Variants in MCFD2 observed in about 807,000 individuals in gnomAD.
MCFD2 encodes multiple coagulation factor deficiency protein 2.
A neutral mutation model predicts 12.8 loss-of-function variants in MCFD2; 11 were observed. That is an observed-to-expected ratio of 0.86 (90% CI 0.54 to 1.42). The LOEUF is 1.42. Ranked by LOEUF, MCFD2 falls within the 40% of genes most tolerant of loss-of-function variation. The probability of loss-of-function intolerance (pLI) is 0.00; values close to 1 mark genes in which losing one functional copy is unlikely to be tolerated. For missense variants in MCFD2, 191 were observed against 178.6 expected (o/e 1.07, Z -0.40); for synonymous variants, 70 against 68.1 (o/e 1.03, Z -0.14).
rs1271340445 is a variant in MCFD2 at position 46,941,608 on chromosome 2, G to A, written c.-44C>T. The A allele has an allele frequency of 4.5e-6, 7 of 1,556,540 alleles. No homozygotes were observed. Among genetic ancestry groups the A allele is most frequent in the South Asian group, 1.2e-5 (1 of 84,410 alleles). ...GAGCGAGCTGGAGCGCTGCCGCGCC[G>A]AGGGCCACTGGGACCGCATGCCGGA... is the stretch of plus-strand genomic sequence containing the variant. On this transcript the variant is annotated 5_prime_UTR_variant, in exon 1 of 3. Coordinates refer to the MCFD2 transcript ENST00000409147. This position sits in a 1 kb window ranked among gnomAD's most constrained non-coding sequence, Gnocchi z 4.2.
rs1405408574 is a variant in MCFD2, at chr2:46,908,836, G to A, written c.149+187C>T. 9.2e-6 allele frequency: 7 copies of A among 757,292 alleles called. No homozygotes were observed. The highest frequency in any genetic ancestry group is 1.5e-5 in the Non-Finnish European group (7 of 461,450). The allele number at this position is 757,292 out of a possible 1,614,324, so 46.9% of individuals were successfully genotyped here. Reference sequence around the variant, plus strand: ...ATTTGGGCCTAAAGATCTTCCACCTGTGATACAATGATGAAAAAAGAATAC... The same window carrying A: ...ATTTGGGCCTAAAGATCTTCCACCTATGATACAATGATGAAAAAAGAATAC... On this transcript the variant is annotated intron_variant, in intron 2 of 3. Transcript: ENST00000319466. The surrounding 1 kb of genome is among the most constrained non-coding windows in gnomAD (Gnocchi z 4.5).
rs1048979360 is a variant in MCFD2, at chr2:46,940,852, G to C, written c.-8+720C>G. ...TCGCCGTCGGGGTTGGGGCCTGTCG[G>C]CCGGCCTCTCCCCATTTTTGTGACG... On this transcript the variant is annotated intron_variant, in intron 1 of 2. Transcript: ENST00000409147. This position sits in a 1 kb window ranked among gnomAD's most constrained non-coding sequence, Gnocchi z 4.7. Among the ~76,000 whole-genome samples, 22 of 152,110 alleles carry C rather than the reference G, an allele frequency of 1.4e-4. No individual in the cohort carries two copies. The highest frequency in any genetic ancestry group is 5.3e-4 in the African/African-American group (22 of 41,444).
At chr2:46,920,130 G>C (rs1168181386), upstream of MCFD2, among the ~76,000 whole-genome samples, 2 of 152,128 alleles carry the variant, frequency 1.3e-5, no homozygotes, top group Non-Finnish European at 2.9e-5. Context: ...CTAATGAAAA[G>C]TCTGACTGTT....
chr2:46,916,755 C>T (rs1054792685), upstream of MCFD2, among the ~76,000 whole-genome samples: 26 of 152,224 alleles, frequency 1.7e-4, no homozygotes, highest in Non-Finnish European at 3.1e-4. Context: ...CTACCTCAGC[C>T]TCCCGAGTAG....
intron 1 of MCFD2, among the ~76,000 whole-genome samples, chr2:46,911,704 G>A (rs1046473848): frequency 4.7e-5 from 7 of 150,318 alleles, no homozygotes; most frequent in Non-Finnish European, 8.9e-5. Context: ...GGCAGATCAC[G>A]AGGTCAGGAG....
intron 1 of MCFD2, among the ~76,000 whole-genome samples, chr2:46,935,509 G>C (rs1225356783): frequency 6.6e-6 from 1 of 152,164 alleles, no homozygotes; most frequent in Non-Finnish European, 1.5e-5. Flanking sequence ...TGTCAGGGTA[G>C]TGTTCTCCCT....
chr2:46,915,713 G>C lies in MCFD2; in HGVS notation c.-7+10C>G. On this transcript the variant is annotated intron_variant, in intron 1 of 3. Transcript: ENST00000319466. ...CCCGCCCGCTGCGGAGAGTGCGCTA[G>C]TTCACTCACCCTTACGGTCTCCGAA... The C allele has an allele frequency of 1.0e-6, 1 of 959,352 alleles. No homozygotes were observed. Among genetic ancestry groups the C allele is most frequent in the Non-Finnish European group, 1.2e-6 (1 of 806,596 alleles). 59.4% of individuals were successfully genotyped at this position (959,352 alleles called of 1,614,324 possible). A position where few individuals can be genotyped will look rare whatever the true frequency, so the allele number is the denominator to read the frequency against.
chr2:46,906,955 C>T (rs1313992893), intron 3 of MCFD2: 1 of 152,310 alleles, frequency 6.6e-6, no homozygotes, highest in Non-Finnish European at 1.5e-5. Context: ...CCTCCTACTT[C>T]AGCATCATGA....
rs762727755 is a variant in MCFD2, at chr2:46,905,455, A to G, written c.*8T>C. ...TTTGTATATAACCAGGAGATGGCCA[A>G]ATAACATCTACTGCAGTGATTTTGC... On this transcript the variant is annotated 3_prime_UTR_variant, in exon 4 of 4. Transcript: ENST00000319466. 2 of 1,612,230 alleles carry G rather than the reference A, an allele frequency of 1.2e-6. No homozygotes were observed. The highest frequency in any genetic ancestry group is 4.3e-4 in the Middle Eastern group (2 of 4,598).
At chr2:46,927,562 G>A (rs375175331) in intron 1 of MCFD2, among the ~76,000 whole-genome samples, 13 of 151,788 alleles carry the variant, frequency 8.6e-5, no homozygotes, top group South Asian at 2.1e-4. Flanking sequence ...GGGTTTCACC[G>A]TGTTAGCCAG....
At chr2:46,911,812 G>T (rs998665231) in intron 1 of MCFD2, among the ~76,000 whole-genome samples, 9 of 152,068 alleles carry the variant, frequency 5.9e-5, no homozygotes, top group Admixed American at 5.9e-4. Flanking sequence ...TGTAGTCCCA[G>T]CTACTTGGGA....
In MCFD2 at chr2:46,941,481, G is replaced by A. The variant is rs1016880663; in HGVS notation, c.-8+91C>T. On this transcript the variant is annotated intron_variant, in intron 1 of 2. Transcript: ENST00000409147. This position sits in a 1 kb window ranked among gnomAD's most constrained non-coding sequence, Gnocchi z 4.2. ...CCCGCGAGTGCGCCCCAGCCAGGAC[G>A]CCGCCCCCGGCCGGGTCTCCACTTC... 1.5e-5 allele frequency: 23 copies of A among 1,516,980 alleles called. No individual in the cohort carries two copies. The highest frequency in any genetic ancestry group is 1.9e-5 in the Non-Finnish European group (22 of 1,130,070). The allele number at this position is 1,516,980 out of a possible 1,614,324, so 94.0% of individuals were successfully genotyped here. A position where few individuals can be genotyped will look rare whatever the true frequency, so the allele number is the denominator to read the frequency against.
intron 1 of MCFD2, among the ~76,000 whole-genome samples, chr2:46,933,277 TG>T (rs1435419439): frequency 1.3e-5 from 2 of 152,192 alleles, no homozygotes; most frequent in African/African-American, 4.8e-5. Context: ...GGAGAGATAT[TG>T]GTATCTCAAT....
intron 3 of MCFD2, chr2:46,906,071 T>A (rs1294258769): frequency 1.3e-5 from 6 of 464,150 alleles, no homozygotes; most frequent in Non-Finnish European, 2.2e-5. Flanking sequence ...GAACCTGTTA[T>A]GATCTTTGAG....
chr2:46,903,662 A>G lies in MCFD2; in HGVS notation c.*1801T>C, dbSNP rs1001550493. The G allele has an allele frequency of 1.3e-5, 2 of 152,202 alleles. No individual in the cohort carries two copies. The highest frequency in any genetic ancestry group is 2.9e-5 in the Non-Finnish European group (2 of 68,056). The allele number at this position is 152,202 out of a possible 1,614,324, so 9.4% of individuals were successfully genotyped here. On this transcript the variant is annotated 3_prime_UTR_variant, in exon 4 of 4. Transcript: ENST00000319466. ...AGACTGGCAGCATTTTGCCCCTTCCATAGGGATTTGTGGAACTTTGAACTT... is the reference window on the plus strand; with the variant it reads ...AGACTGGCAGCATTTTGCCCCTTCCGTAGGGATTTGTGGAACTTTGAACTT...
rs1668099026 is a variant in MCFD2, at chr2:46,903,602, G to A, written c.*1861C>T. The A allele has an allele frequency of 6.6e-6, 1 of 152,192 alleles. No homozygotes were observed. Among genetic ancestry groups the A allele is most frequent in the Non-Finnish European group, 1.5e-5 (1 of 68,048 alleles). 9.4% of individuals were successfully genotyped at this position (152,192 alleles called of 1,614,324 possible). Reference sequence around the variant, plus strand: ...GAAGATGAGGAACTTGTTGGGAACTGGAGTAAAGGTGACTCTTGTTATGTT... The same window carrying A: ...GAAGATGAGGAACTTGTTGGGAACTAGAGTAAAGGTGACTCTTGTTATGTT... On this transcript the variant is annotated 3_prime_UTR_variant, in exon 4 of 4. Coordinates refer to ENST00000319466, the MANE Select transcript of MCFD2 (RefSeq NM_139279.6).
chr2:46,923,615 G>C (rs78211377), intron 1 of MCFD2, among the ~76,000 whole-genome samples: 1,649 of 152,280 alleles, frequency 0.011, 32 homozygotes, highest in African/African-American at 0.038. Context: ...GAATTGACCA[G>C]GTGTGATGGT....
chr2:46,922,144 A>C (rs1289610757), intron 1 of MCFD2, among the ~76,000 whole-genome samples: 1 of 152,102 alleles, frequency 6.6e-6, no homozygotes, highest in Non-Finnish European at 1.5e-5. Context: ...TAGGGTCATC[A>C]AACAACAACT....
In MCFD2 at chr2:46,941,759, G is replaced by T; in HGVS notation, c.-195C>A. The T allele has an allele frequency of 1.3e-6, 2 of 1,546,864 alleles. No homozygotes were observed. The highest frequency in any genetic ancestry group is 2.4e-5 in the South Asian group (2 of 83,834). On this transcript the variant is annotated 5_prime_UTR_variant, in exon 1 of 3. Coordinates refer to the MCFD2 transcript ENST00000409147. This position sits in a 1 kb window ranked among gnomAD's most constrained non-coding sequence, Gnocchi z 4.2. ...GGGAAGAGGCTGGCTCGCCGGCAGCGAGCGCGCGAAACGCACCGCCTCCTC... is the reference window on the plus strand; with the variant it reads ...GGGAAGAGGCTGGCTCGCCGGCAGCTAGCGCGCGAAACGCACCGCCTCCTC...
Sources: allele counts gnomAD v4.1 joint callset (sites outside exome capture counted in the v4.1 genomes callset), GRCh38; gene constraint gnomAD v4.1.1; non-coding constraint Gnocchi (gnomAD v3.1); transcripts MANE v1.5; gene names NCBI Gene and HGNC (gene_info 2026-07-23, HGNC 2026-07-21).